HIPK3: variants seen among roughly 807,000 people sequenced by gnomAD.
The protein encoded by HIPK3 is homeodomain interacting protein kinase 3, also known as homeodomain-interacting protein kinase 3.
A neutral mutation model predicts 124.2 loss-of-function variants in HIPK3; 47 were observed. That is an observed-to-expected ratio of 0.38 (90% confidence interval 0.30 to 0.48). The LOEUF (loss-of-function observed/expected upper bound fraction) is 0.48, where lower values mean the gene tolerates loss of function less well. HIPK3 is among the 20% of genes least tolerant of loss of function. The probability of loss-of-function intolerance (pLI) is 0.98; values close to 1 mark genes in which losing one functional copy is unlikely to be tolerated. For missense variants in HIPK3, 1,286 were observed against 1,454.3 expected, an observed-to-expected ratio of 0.88 and a Z score of 1.88; for synonymous variants, 482 against 515.2, an observed-to-expected ratio of 0.94 and a Z score of 0.87.
intron 1 of HIPK3, among the ~76,000 whole-genome samples, chr11:33,276,006 A>T (rs552323446): frequency 6.6e-6 from 1 of 152,284 alleles, no homozygotes; most frequent in South Asian, 2.1e-4. Flanking sequence ...ATTGTTTTAT[A>T]CCTGTCACTC....
chr11:33,269,324 T>C (rs1003192149), intron 1 of HIPK3, among the ~76,000 whole-genome samples: 5 of 152,172 alleles, frequency 3.3e-5, no homozygotes, highest in African/African-American at 1.2e-4. Context: ...ATTCCAACAG[T>C]ACACACTTTG....
Position 33,341,609 on chromosome 11 carries a change from T to G in HIPK3, c.1820T>G (p.Leu607Arg), listed in dbSNP as rs1411939445. 4 of 1,613,944 alleles carry G rather than the reference T, an allele frequency of 2.5e-6. No homozygotes were observed. The highest frequency in any genetic ancestry group is 3.4e-6 in the Non-Finnish European group (4 of 1,179,872). The change falls in exon 8 of 17, where the codon CTG becomes CGG. Residue 607 changes from leucine to arginine, a missense_variant. Around this residue, in one of 3 missense-constraint regions of HIPK3, gnomAD observed 810 missense variants for 864.9 expected, o/e 0.94. Transcript: ENST00000303296. Reference sequence around the variant, plus strand: ...TCAGTTGTGCACCATGGAATACCTCTGCAGGCAGGAACTGCTCAGTTTGGT... The same window carrying G: ...TCAGTTGTGCACCATGGAATACCTCGGCAGGCAGGAACTGCTCAGTTTGGT... ...AHSVVHHGIP[L>R]QAGTAQFGCG...
intron 2 of HIPK3, among the ~76,000 whole-genome samples, chr11:33,295,029 C>T (rs1008326575): frequency 2.6e-5 from 4 of 152,040 alleles, no homozygotes; most frequent in African/African-American, 9.7e-5. Flanking sequence ...CAAAGTCGCC[C>T]CTTCCCCCCC....
At chr11:33,266,101 A>G (rs544985392) in intron 1 of HIPK3, among the ~76,000 whole-genome samples, 3 of 150,346 alleles carry the variant, frequency 2.0e-5, no homozygotes, top group East Asian at 3.9e-4. Context: ...TTTATCTAGT[A>G]TATATTTGAA....
At chr11:33,309,406 C>G (rs1466615408) in intron 2 of HIPK3, among the ~76,000 whole-genome samples, 1 of 152,196 alleles carries the variant, frequency 6.6e-6, no homozygotes, top group African/African-American at 2.4e-5. Context: ...TGTCACCACA[C>G]CCAGCCCAAA....
chr11:33,289,982 C>A (rs941396688), intron 2 of HIPK3, among the ~76,000 whole-genome samples: 2 of 152,180 alleles, frequency 1.3e-5, no homozygotes, highest in Non-Finnish European at 2.9e-5. Context: ...CATGTTGTTG[C>A]AATTGACAGG....
intron 1 of HIPK3, among the ~76,000 whole-genome samples, chr11:33,267,013 G>GC (rs1357223806): frequency 6.6e-6 from 1 of 152,080 alleles, no homozygotes; most frequent in Non-Finnish European, 1.5e-5. Context: ...TATTAGGCTT[G>GC]CCCTTTCTAG....
In HIPK3 at chr11:33,293,587, T is replaced by G. The variant is rs373323773; in HGVS notation, c.1097+6076T>G. Among the ~76,000 whole-genome samples, 17 of 152,260 alleles carry G rather than the reference T, an allele frequency of 1.1e-4. No homozygotes were observed. In the East Asian group the frequency reaches 3.1e-3, roughly 28 times the overall value. On this transcript the variant is annotated intron_variant, in intron 2 of 16. Coordinates refer to ENST00000303296, the MANE Select transcript of HIPK3 (RefSeq NM_005734.5). Reference sequence around the variant, plus strand: ...ATATTTTCAAGGTTCATCCATGTTGTAGGATGTATCAATACTTACTACTTT... The same window carrying G: ...ATATTTTCAAGGTTCATCCATGTTGGAGGATGTATCAATACTTACTACTTT...
At chr11:33,271,372 GAGACC>G (rs1851120220) in intron 1 of HIPK3, among the ~76,000 whole-genome samples, 1 of 152,078 alleles carries the variant, frequency 6.6e-6, no homozygotes, top group Admixed American at 6.5e-5. Context: ...CCAAGAGTTT[GAGACC>G]AGCCATGGTG....
At chr11:33,326,027 T>A (rs1303741620) in intron 2 of HIPK3, among the ~76,000 whole-genome samples, 1 of 146,828 alleles carries the variant, frequency 6.8e-6, no homozygotes, top group Non-Finnish European at 1.5e-5. Context: ...GTTAAGGTTC[T>A]ACTGAATCTT....
In HIPK3 at chr11:33,286,879, A is replaced by G; in HGVS notation, c.465A>G (p.Gln155=). The G allele has an allele frequency of 6.2e-7, 1 of 1,614,204 alleles. No individual in the cohort carries two copies. Among genetic ancestry groups the G allele is most frequent in the Non-Finnish European group, 8.5e-7 (1 of 1,180,020 alleles). The part of the protein sequence containing the change: ...DELSILPAML[Q]TNMGNPVTVV... ...TGTCCATACTTCCTGCAATGTTGCA[A>G]ACCAACATGGGAAATCCAGTGACAG... Residue 155 remains glutamine, a synonymous_variant, in exon 2 of 17, where the codon CAA becomes CAG. Transcript: ENST00000303296.
At chr11:33,349,066 A>T in intron 13 of HIPK3, 81 bp from the exon 14 acceptor site, 1 of 1,290,558 alleles carries the variant, frequency 7.7e-7, no homozygotes, top group Non-Finnish European at 1.1e-6. Context: ...TCATATCCTT[A>T]ATTAAAGAAT....
intron 8 of HIPK3, among the ~76,000 whole-genome samples, chr11:33,346,390 A>G (rs1409143716): frequency 2.0e-5 from 3 of 152,160 alleles, no homozygotes; most frequent in African/African-American, 4.8e-5. Context: ...TTTATCATCA[A>G]ATTGGTAAAT....
At chr11:33,281,877 G>A (rs1431979307) in intron 1 of HIPK3, among the ~76,000 whole-genome samples, 4 of 152,064 alleles carry the variant, frequency 2.6e-5, no homozygotes, top group Non-Finnish European at 5.9e-5. Flanking sequence ...ACAGTATTAG[G>A]TTGCTTTACA....
In HIPK3 at chr11:33,356,277, A is replaced by G. The variant is rs1853814509; in HGVS notation, c.*2709A>G. ...TTAACTACACTGCTCTTTAATTGCA[A>G]TCATGGGCATTTTAATGTATTTTAA... On this transcript the variant is annotated 3_prime_UTR_variant, in exon 17 of 17. Transcript: ENST00000303296. 1 of 152,058 alleles carries G rather than the reference A, an allele frequency of 6.6e-6. No individual in the cohort carries two copies. Among genetic ancestry groups the G allele is most frequent in the Admixed American group, 6.5e-5 (1 of 15,276 alleles). The allele number at this position is 152,058 out of a possible 1,614,324, so 9.4% of individuals were successfully genotyped here. A position where few individuals can be genotyped will look rare whatever the true frequency, so the allele number is the denominator to read the frequency against.
At chr11:33,283,580 T>C (rs183392610) in intron 1 of HIPK3, among the ~76,000 whole-genome samples, 5 of 152,262 alleles carry the variant, frequency 3.3e-5, no homozygotes, top group African/African-American at 1.2e-4. Context: ...TTTGCACCTT[T>C]TATCTGAAAG....
rs190449515 is a variant in HIPK3, at chr11:33,301,823, C to T, written c.1097+14312C>T. ...GGCAACAGAGTGAAACCCTGTCTGA[C>T]ACACACACACACACACACACACACA... On this transcript the variant is annotated intron_variant, in intron 2 of 16. Coordinates refer to ENST00000303296, the MANE Select transcript of HIPK3 (RefSeq NM_005734.5). 5.6e-5 allele frequency among the ~76,000 whole-genome samples: 8 copies of T among 142,840 alleles called. No individual in the cohort carries two copies. The East Asian group carries it at 1.7e-3, about 30-fold the overall frequency. The allele number at this position is 142,840 out of a possible 152,430, so 93.7% of individuals were successfully genotyped here. A position where few individuals can be genotyped will look rare whatever the true frequency, so the allele number is the denominator to read the frequency against.
At chr11:33,342,096 C>CT (rs1853353145) in intron 8 of HIPK3, among the ~76,000 whole-genome samples, 1 of 110,152 alleles carries the variant, frequency 9.1e-6, no homozygotes, top group Non-Finnish European at 1.7e-5. Flanking sequence ...GAGTGAGACT[C>CT]TGTCTCAAAA....
intron 2 of HIPK3, among the ~76,000 whole-genome samples, chr11:33,299,160 T>G (rs1376663718): frequency 4.0e-5 from 6 of 151,644 alleles, no homozygotes; most frequent in African/African-American, 1.2e-4. Context: ...ACGAGTTGCT[T>G]CTTTTGGATG....
Sources: allele counts gnomAD v4.1 joint callset (sites outside exome capture counted in the v4.1 genomes callset), GRCh38; gene constraint gnomAD v4.1.1; regional missense constraint gnomAD v4.1.1; transcripts MANE v1.5; gene names NCBI Gene and HGNC (gene_info 2026-07-23, HGNC 2026-07-21).